The following NRXN3 variants were observed in gnomAD, a reference collection of about 807,000 sequenced individuals.
NRXN3 encodes the protein neurexin 3, also known as neurexin III.
In NRXN3, 32 loss-of-function variants were observed where a neutral mutation model predicts 137.6. That is an observed-to-expected ratio of 0.23 (90% CI 0.18 to 0.31). The LOEUF (loss-of-function observed/expected upper bound fraction) is 0.31. NRXN3 is among the 10% of genes least tolerant of loss of function. NRXN3 has a pLI of 1.00. For missense variants in NRXN3, 1,574 were observed against 2,062.5 expected, an observed-to-expected ratio of 0.76 and a Z score of 4.59; for synonymous variants, 798 against 784.5, an observed-to-expected ratio of 1.02 and a Z score of -0.29.
chr14:78,636,063 A>C (rs1252921180), intron 4 of NRXN3, among the ~76,000 whole-genome samples: 1 of 152,094 alleles, frequency 6.6e-6, no homozygotes, highest in Non-Finnish European at 1.5e-5. Context: ...TTTGGTGCCT[A>C]TTTCAATATT....
At chr14:79,184,752 T>C (rs1177931847) in intron 15 of NRXN3, among the ~76,000 whole-genome samples, 1 of 152,128 alleles carries the variant, frequency 6.6e-6, no homozygotes, top group African/African-American at 2.4e-5. Context: ...TACCAGAATA[T>C]GTTTTGTTTT....
intron 4 of NRXN3, among the ~76,000 whole-genome samples, chr14:78,383,708 A>T (rs1374525016): frequency 6.6e-6 from 1 of 152,140 alleles, no homozygotes; most frequent in Non-Finnish European, 1.5e-5. Flanking sequence ...TTAGCCACTC[A>T]TTGGGGTGTA....
intron 1 of NRXN3, among the ~76,000 whole-genome samples, chr14:78,171,055 A>T (rs1393499203): frequency 7.3e-6 from 1 of 136,778 alleles, no homozygotes; most frequent in African/African-American, 2.8e-5. Flanking sequence ...TTTTTTTTTG[A>T]CATTTTGTAG....
At chr14:78,819,934 C>A (rs752298159) in intron 10 of NRXN3, among the ~76,000 whole-genome samples, 6 of 152,112 alleles carry the variant, frequency 3.9e-5, no homozygotes, top group Non-Finnish European at 5.9e-5. Flanking sequence ...CCTATTTATC[C>A]TATAAAAGCC....
At chr14:78,966,697 A>G (rs781141662) in intron 12 of NRXN3, among the ~76,000 whole-genome samples, 1 of 152,242 alleles carries the variant, frequency 6.6e-6, no homozygotes, top group Non-Finnish European at 1.5e-5. Flanking sequence ...AAAGAGGGCT[A>G]TGATTTGTAT....
chr14:79,489,929 C>G (rs559228922), intron 16 of NRXN3, among the ~76,000 whole-genome samples: 1 of 149,486 alleles, frequency 6.7e-6, no homozygotes, highest in Non-Finnish European at 1.5e-5. Context: ...GTCCCAGCTA[C>G]TCGGGAGGCT....
intron 15 of NRXN3, among the ~76,000 whole-genome samples, chr14:79,365,518 G>C (rs2093846583): frequency 6.6e-6 from 1 of 151,328 alleles, no homozygotes; most frequent in Non-Finnish European, 1.5e-5. Context: ...AGGAGATCGA[G>C]ACCATCCTGG....
chr14:79,352,322 T>G (rs969511146), intron 15 of NRXN3, among the ~76,000 whole-genome samples: 2 of 152,152 alleles, frequency 1.3e-5, no homozygotes, highest in African/African-American at 4.8e-5. Context: ...TGTTATGTTC[T>G]TTCATCCAGT....
chr14:78,753,736 T>G (rs909331451), intron 8 of NRXN3: 1 of 152,176 alleles, frequency 6.6e-6, no homozygotes, highest in Non-Finnish European at 1.5e-5. Context: ...AGGTTGAAAT[T>G]GGCAGAGCTG....
chr14:78,919,890 G>A lies in NRXN3; in HGVS notation c.2276-37352G>A, dbSNP rs191062579. Among the ~76,000 whole-genome samples, 728 of 152,182 alleles carry A rather than the reference G, an allele frequency of 4.8e-3. 21 individuals carry two copies. The highest frequency in any genetic ancestry group is 0.045 in the Admixed American group (682 of 15,284). On this transcript the variant is annotated intron_variant, in intron 10 of 20. Coordinates refer to ENST00000335750, the MANE Select transcript of NRXN3 (RefSeq NM_001330195.2). ...AAGCACTTATTATATTTCAGTCACA[G>A]TGCTAAGCACGTCACAGTCATCATC... is the stretch of plus-strand genomic sequence containing the variant.
intron 19 of NRXN3, among the ~76,000 whole-genome samples, chr14:79,743,399 A>G (rs912419550): frequency 2.0e-5 from 3 of 152,164 alleles, no homozygotes; most frequent in Non-Finnish European, 4.4e-5. Context: ...CAACTCAGAA[A>G]TCTATTTGGA....
intron 15 of NRXN3, among the ~76,000 whole-genome samples, chr14:79,183,112 C>T (rs1043044591): frequency 6.6e-6 from 1 of 152,136 alleles, no homozygotes; most frequent in Non-Finnish European, 1.5e-5. Flanking sequence ...TTATTTTGCT[C>T]TTGATCTACT....
At chr14:79,356,072 T>C (rs1372172176) in intron 15 of NRXN3, among the ~76,000 whole-genome samples, 71 of 152,166 alleles carry the variant, frequency 4.7e-4, no homozygotes. Flanking sequence ...AAAATTAGTT[T>C]TGTATTTTTT....
At chr14:79,604,642 C>G (rs2097977837) in intron 16 of NRXN3, among the ~76,000 whole-genome samples, 1 of 151,998 alleles carries the variant, frequency 6.6e-6, no homozygotes, top group South Asian at 2.1e-4. Flanking sequence ...CATAATTTAA[C>G]CAGCTGACCA....
intron 10 of NRXN3, among the ~76,000 whole-genome samples, chr14:78,902,745 C>A (rs1241546458): frequency 1.3e-5 from 2 of 151,986 alleles, no homozygotes; most frequent in East Asian, 1.9e-4. Flanking sequence ...AGAGCCAACC[C>A]TACAGCTGCC....
chr14:79,470,951 AGTGTGTGTGTGTGTGTGTGTGTGTGTGT>A (rs371413883), intron 16 of NRXN3, among the ~76,000 whole-genome samples: 1 of 116,416 alleles, frequency 8.6e-6, no homozygotes, highest in Non-Finnish European at 1.8e-5. Context: ...AGAGAGAGAG[AGTGTGTGTGTGTGTGTGTGTGTGTGTGT>A]GTGTGTGTGT....
intron 15 of NRXN3, among the ~76,000 whole-genome samples, chr14:79,214,557 A>G (rs755560685): frequency 2.6e-5 from 4 of 152,234 alleles, no homozygotes; most frequent in Non-Finnish European, 5.9e-5. Context: ...TATTATATGT[A>G]TCAGAACATC....
chr14:78,267,965 C>A (rs1450082849), intron 2 of NRXN3, among the ~76,000 whole-genome samples: 1 of 152,102 alleles, frequency 6.6e-6, no homozygotes, highest in Non-Finnish European at 1.5e-5. Flanking sequence ...TAGAACCAGA[C>A]ACAAAGGCTC....
At chr14:79,215,776 T>G (rs1336701955) in intron 15 of NRXN3, among the ~76,000 whole-genome samples, 1 of 152,080 alleles carries the variant, frequency 6.6e-6, no homozygotes. Flanking sequence ...TACATATACA[T>G]AGGTCAGATT....
Sources: allele counts gnomAD v4.1 joint callset (sites outside exome capture counted in the v4.1 genomes callset), GRCh38; gene constraint gnomAD v4.1.1; transcripts MANE v1.5; gene names NCBI Gene and HGNC (gene_info 2026-07-23, HGNC 2026-07-21).